Variants in ANKRD12 observed in about 807,000 individuals in gnomAD.
ANKRD12 encodes ankyrin repeat domain 12.
In ANKRD12, 85 loss-of-function variants were observed where a neutral mutation model predicts 183.4. The observed-to-expected ratio is 0.46, with a 90% CI of 0.39 to 0.56. The LOEUF (loss-of-function observed/expected upper bound fraction) is 0.56, where lower values mean the gene tolerates loss of function less well. Ranked by LOEUF, ANKRD12 falls within the 20% of genes least tolerant of loss-of-function variation. The probability of loss-of-function intolerance (pLI) is 0.00; values close to 1 mark genes in which losing one functional copy is unlikely to be tolerated. For synonymous variants in ANKRD12, 914 were observed against 800.2 expected (o/e 1.14, Z -2.40); for missense variants, 2,405 against 2,357.1 (o/e 1.02, Z -0.42).
intron 1 of ANKRD12, among the ~76,000 whole-genome samples, chr18:9,151,119 T>C (rs1233534550): frequency 1.3e-5 from 2 of 152,232 alleles, no homozygotes; most frequent in African/African-American, 4.8e-5. Context: ...TTTTATAGAC[T>C]GAATTCTCAC....
chr18:9,258,596 G>A lies in ANKRD12; in HGVS notation c.5329G>A (p.Asp1777Asn), dbSNP rs762769796. 1.9e-6 allele frequency: 3 copies of A among 1,613,852 alleles called. No homozygotes were observed. The highest frequency in any genetic ancestry group is 2.5e-6 in the Non-Finnish European group (3 of 1,179,910). The change falls in exon 9 of 13, where the codon GAC (aspartate) becomes AAC (asparagine). Residue 1777 changes from aspartate to asparagine, a missense_variant. By Grantham distance (23) the Asp-to-Asn change is conservative. Around this residue, in one of 7 missense-constraint regions of ANKRD12, gnomAD observed 1,983 missense variants for 1,725.9 expected, o/e 1.15. Coordinates refer to ENST00000262126, the MANE Select transcript of ANKRD12 (RefSeq NM_015208.5). ...PRGRIRLTED[D>N]DPQIHHPRKR... Reference sequence around the variant, plus strand: ...AGGAAGAATAAGATTAACTGAAGATGACGATCCTCAAATTCACCATCCACG... The same window carrying A: ...AGGAAGAATAAGATTAACTGAAGATAACGATCCTCAAATTCACCATCCACG...
rs1035547943 is a variant in ANKRD12 at position 9,256,224 on chromosome 18, T to C, written c.2957T>C (p.Ile986Thr). The C allele has an allele frequency of 6.3e-6, 10 of 1,592,492 alleles. No homozygotes were observed. Among genetic ancestry groups the C allele is most frequent in the Non-Finnish European group, 8.5e-6 (10 of 1,173,458 alleles). The change falls in exon 9 of 13, where the codon ATA (isoleucine) becomes ACA (threonine). Residue 986 changes from isoleucine to threonine, a missense_variant. By Grantham distance (89) the Ile-to-Thr change is moderately conservative (BLOSUM62 -1). Transcript: ENST00000262126. ...ATACAGGAAGAAAAAAAATCAAGTA[T>C]AGTAGACGGTAATAAAGCACAACAT... Reference protein sequence around the residue: ...KHIQEEKKSSIVDGNKAQHEK... With the variant: ...KHIQEEKKSSTVDGNKAQHEK...
intron 1 of ANKRD12, among the ~76,000 whole-genome samples, chr18:9,153,456 G>A (rs1479203292): frequency 6.6e-6 from 1 of 152,080 alleles, no homozygotes; most frequent in African/African-American, 2.4e-5. Flanking sequence ...GTTGTAATGT[G>A]TCTGTGTATA....
At position 9,257,359 on chromosome 18, in the gene ANKRD12, C is replaced by T. The variant is rs1409150566; in HGVS notation, c.4092C>T (p.Asn1364=). The change falls in exon 9 of 13, where the codon AAC becomes AAT. Residue 1364 remains asparagine, a synonymous_variant. Coordinates refer to ENST00000262126, the MANE Select transcript of ANKRD12 (RefSeq NM_015208.5). ...AAAGAGACCTTTCAAATGTATCTAA[C>T]ATACATTCCAGTTTTGCAACTTCTC... The part of the protein sequence containing the change: ...VPERDLSNVS[N]IHSSFATSPT... 1 of 1,614,112 alleles carries T rather than the reference C, an allele frequency of 6.2e-7. No individual in the cohort carries two copies. Among genetic ancestry groups the T allele is most frequent in the African/African-American group, 1.3e-5 (1 of 75,036 alleles).
intron 1 of ANKRD12, among the ~76,000 whole-genome samples, chr18:9,177,510 T>G (rs1299564594): frequency 1.3e-5 from 2 of 152,216 alleles, no homozygotes; most frequent in South Asian, 2.1e-4. Context: ...GCATAGAACA[T>G]GTAATGATCG....
In ANKRD12 at chr18:9,225,261, C is replaced by T. The variant is rs148146608; in HGVS notation, c.943+3262C>T. 1.7e-4 allele frequency among the ~76,000 whole-genome samples: 16 copies of T among 93,300 alleles called. 6 individuals carry two copies. In the East Asian group the frequency reaches 6.3e-3, roughly 37 times the overall value. 61.2% of individuals were successfully genotyped at this position (93,300 alleles called of 152,430 possible). A position where few individuals can be genotyped will look rare whatever the true frequency, so the allele number is the denominator to read the frequency against. Reference sequence around the variant, plus strand: ...AGTCGAGGCGGACAGATCACTTGAGCCCAGGAGTTCGAGACCAGCCTGGGC... The same window carrying T: ...AGTCGAGGCGGACAGATCACTTGAGTCCAGGAGTTCGAGACCAGCCTGGGC... On this transcript the variant is annotated intron_variant, in intron 8 of 12. Transcript: ENST00000262126.
In ANKRD12 at chr18:9,228,308, G is replaced by C. The variant is rs555718495; in HGVS notation, c.943+6309G>C. Among the ~76,000 whole-genome samples, 18 of 152,286 alleles carry C rather than the reference G, an allele frequency of 1.2e-4. 1 individual carries two copies. In the South Asian group the frequency reaches 3.1e-3, roughly 26 times the overall value. ...AACTTGTAAGTGCAGGTATCCCTTT[G>C]ATGTACTGATTTCCTTTCTTTTGGA... On this transcript the variant is annotated intron_variant, in intron 8 of 12. Coordinates refer to ENST00000262126, the MANE Select transcript of ANKRD12 (RefSeq NM_015208.5).
intron 1 of ANKRD12, among the ~76,000 whole-genome samples, chr18:9,150,046 G>C (rs1466635998): frequency 6.6e-6 from 1 of 151,852 alleles, no homozygotes; most frequent in African/African-American, 2.4e-5. Context: ...ATCTCGCCTC[G>C]GCCTCACAAA....
intron 4 of ANKRD12, among the ~76,000 whole-genome samples, chr18:9,206,827 T>A (rs1452218679): frequency 6.6e-6 from 1 of 152,076 alleles, no homozygotes; most frequent in East Asian, 1.9e-4. Flanking sequence ...CTGGCTTTTT[T>A]AAAACCTTGT....
intron 1 of ANKRD12, among the ~76,000 whole-genome samples, chr18:9,172,504 G>A (rs969828909): frequency 2.6e-5 from 4 of 152,014 alleles, no homozygotes; most frequent in African/African-American, 9.7e-5. Context: ...TCTCTGCTTG[G>A]TCTATTCTGC....
rs966992467 is a variant in ANKRD12 at position 9,283,226 on chromosome 18, G to C, written c.*2100G>C. On this transcript the variant is annotated 3_prime_UTR_variant, in exon 13 of 13. Coordinates refer to ENST00000262126, the MANE Select transcript of ANKRD12 (RefSeq NM_015208.5). ...TTTTGTTCTGATGGTTCAACCAGAG[G>C]TCTGGGAAATAGCACTGTTGGCCCA... The C allele has an allele frequency of 6.6e-6, 1 of 152,130 alleles. No individual in the cohort carries two copies. Among genetic ancestry groups the C allele is most frequent in the African/African-American group, 2.4e-5 (1 of 41,434 alleles). The allele number at this position is 152,130 out of a possible 1,614,324, so 9.4% of individuals were successfully genotyped here.
chr18:9,219,723 C>G (rs1449456907), intron 7 of ANKRD12, among the ~76,000 whole-genome samples: 1 of 149,716 alleles, frequency 6.7e-6, no homozygotes, highest in Non-Finnish European at 1.5e-5. Context: ...AAAATTGAAA[C>G]CAGAGCCATA....
At chr18:9,240,810 A>G (rs901315770) in intron 8 of ANKRD12, among the ~76,000 whole-genome samples, 2 of 152,202 alleles carry the variant, frequency 1.3e-5, no homozygotes, top group African/African-American at 4.8e-5. Context: ...TTACAGTAGT[A>G]TGTTGTTACC....
chr18:9,256,221 G>C lies in ANKRD12; in HGVS notation c.2954G>C (p.Ser985Thr). 2.5e-6 allele frequency: 4 copies of C among 1,585,742 alleles called. No individual in the cohort carries two copies. Among genetic ancestry groups the C allele is most frequent in the Non-Finnish European group, 2.6e-6 (3 of 1,171,324 alleles). ...SKHIQEEKKS[S>T]IVDGNKAQHE... ...CACATACAGGAAGAAAAAAAATCAA[G>C]TATAGTAGACGGTAATAAAGCACAA... The change falls in exon 9 of 13, where the codon AGT (serine) becomes ACT (threonine). Residue 985 changes from serine to threonine, a missense_variant. This residue lies in a region of ANKRD12 where 1,983 missense variants were observed against 1,725.9 expected (regional missense o/e 1.15). Transcript: ENST00000262126.
intron 1 of ANKRD12, among the ~76,000 whole-genome samples, chr18:9,167,952 C>T (rs1568244046): frequency 6.6e-6 from 1 of 152,088 alleles, no homozygotes; most frequent in Non-Finnish European, 1.5e-5. Context: ...TGTCAAAGGC[C>T]TTTTCTGCCT....
chr18:9,251,101 T>C (rs1443973351), intron 8 of ANKRD12, among the ~76,000 whole-genome samples: 2 of 152,208 alleles, frequency 1.3e-5, no homozygotes, highest in East Asian at 3.8e-4. Flanking sequence ...ACAATTCAGA[T>C]GTTTTAAAAT....
intron 1 of ANKRD12, chr18:9,138,007 C>A (rs2078180865): frequency 6.6e-6 from 1 of 152,240 alleles, no homozygotes; most frequent in Admixed American, 6.5e-5. Context: ...GTAATTTCCA[C>A]TGGACACCCG....
At chr18:9,268,689 G>A (rs1002207330) in intron 10 of ANKRD12, among the ~76,000 whole-genome samples, 22 of 152,150 alleles carry the variant, frequency 1.4e-4, no homozygotes, top group African/African-American at 5.1e-4. Flanking sequence ...AAAACTGGAA[G>A]CATTCCCTTT....
At chr18:9,187,543 C>G (rs1237315494) in intron 2 of ANKRD12, among the ~76,000 whole-genome samples, 1 of 152,134 alleles carries the variant, frequency 6.6e-6, no homozygotes, top group African/African-American at 2.4e-5. Flanking sequence ...TCCTTAAATT[C>G]ATTTAAGTAG....
Sources: allele counts gnomAD v4.1 joint callset (sites outside exome capture counted in the v4.1 genomes callset), GRCh38; gene constraint gnomAD v4.1.1; regional missense constraint gnomAD v4.1.1; transcripts MANE v1.5; gene names NCBI Gene and HGNC (gene_info 2026-07-23, HGNC 2026-07-21).